PPP6R2: variants seen among roughly 807,000 people sequenced by gnomAD.
PPP6R2 encodes protein phosphatase 6 regulatory subunit 2.
PPP6R2 carries 62 observed loss-of-function variants against 100.2 expected under a neutral mutation model. The observed-to-expected ratio is 0.62, with a 90% confidence interval of 0.50 to 0.76. The LOEUF (loss-of-function observed/expected upper bound fraction) is 0.76, where lower values mean the gene tolerates loss of function less well. Ranked by LOEUF, PPP6R2 falls within the 30% of genes least tolerant of loss-of-function variation. The pLI is 0.00. For missense variants in PPP6R2, 1,142 were observed against 1,276.3 expected (o/e 0.89, Z 1.60); for synonymous variants, 525 against 514.7 (o/e 1.02, Z -0.27).
intron 4 of PPP6R2, among the ~76,000 whole-genome samples, chr22:50,407,885 T>C (rs750340697): frequency 2.0e-5 from 3 of 151,974 alleles, no homozygotes; most frequent in Non-Finnish European, 4.4e-5. Flanking sequence ...TCAGTATGTA[T>C]GTACATTTAT....
intron 3 of PPP6R2, among the ~76,000 whole-genome samples, chr22:50,404,727 C>T (rs1192072909): frequency 6.6e-6 from 1 of 151,936 alleles, no homozygotes; most frequent in Non-Finnish European, 1.5e-5. Flanking sequence ...TGTAAGCCAC[C>T]GTGCCCGTCC....
rs111794596 is a variant in PPP6R2, at chr22:50,435,501, C to T, written c.1516+420C>T. On this transcript the variant is annotated intron_variant, in intron 13 of 23. Transcript: ENST00000612753. ...CTCACTCAGGTGTGAGATTTCGTAGCACAAGTCTCAGGGGAGCAGGTTGCA... is the reference window on the plus strand; with the variant it reads ...CTCACTCAGGTGTGAGATTTCGTAGTACAAGTCTCAGGGGAGCAGGTTGCA... Among the ~76,000 whole-genome samples, 20 of 152,322 alleles carry T rather than the reference C, an allele frequency of 1.3e-4. 2 individuals carry two copies. Among genetic ancestry groups the T allele is most frequent in the African/African-American group, 4.6e-4 (19 of 41,568 alleles).
intron 1 of PPP6R2, among the ~76,000 whole-genome samples, chr22:50,368,972 C>G (rs908894097): frequency 1.3e-5 from 2 of 152,220 alleles, no homozygotes; most frequent in African/African-American, 2.4e-5. Context: ...GGTGCAGTGG[C>G]TCACGCCTGT....
chr22:50,330,827 T>C, the PPP6R2 span, among the ~76,000 whole-genome samples: 3 of 151,134 alleles, frequency 2.0e-5, no homozygotes, highest in South Asian at 6.3e-4. Flanking sequence ...ACCTGGAAGA[T>C]GGTCAGTTGC....
chr22:50,347,455 ACC>A (rs2044046154), intron 1 of PPP6R2, among the ~76,000 whole-genome samples: 1 of 149,918 alleles, frequency 6.7e-6, no homozygotes, highest in Admixed American at 6.7e-5. Context: ...ACCTCACCTT[ACC>A]CCGCACTGCC....
intron 2 of PPP6R2, among the ~76,000 whole-genome samples, chr22:50,385,757 C>T (rs2054100164): frequency 6.6e-6 from 1 of 150,990 alleles, no homozygotes. Context: ...CTCAGGTGAT[C>T]CACCTGCCTC....
At chr22:50,414,883 G>A (rs1174503818) in intron 5 of PPP6R2, among the ~76,000 whole-genome samples, 194 bp downstream of exon 5, 2 of 152,214 alleles carry the variant, frequency 1.3e-5, no homozygotes, top group East Asian at 3.8e-4. Context: ...GACTTAACTC[G>A]CTCAGAAGCA....
intron 1 of PPP6R2, among the ~76,000 whole-genome samples, chr22:50,352,364 A>C (rs994362335): frequency 8.5e-5 from 13 of 152,302 alleles, no homozygotes; most frequent in East Asian, 3.9e-4. Context: ...CATCCTTTGT[A>C]GAACTGAAAA....
intron 15 of PPP6R2, 93 bp downstream of exon 15, chr22:50,437,161 C>T: frequency 7.9e-7 from 1 of 1,265,988 alleles, no homozygotes; most frequent in Non-Finnish European, 1.1e-6. Flanking sequence ...GATGGCATCT[C>T]ACTAGCAAAG....
At chr22:50,351,038 T>TG (rs1243221129) in intron 1 of PPP6R2, among the ~76,000 whole-genome samples, 1,263 of 66,076 alleles carry the variant, frequency 0.019, 21 homozygotes, top group East Asian at 0.027. Context: ...TTTTTTTTTT[T>TG]TTTTTTTTTT....
chr22:50,352,130 G>A (rs201950469), intron 1 of PPP6R2, among the ~76,000 whole-genome samples: 9 of 150,950 alleles, frequency 6.0e-5, no homozygotes, highest in African/African-American at 1.5e-4. Flanking sequence ...TAGTAGAGAC[G>A]GGGTTTCACC....
chr22:50,402,328 C>CTTT (rs566570369), intron 3 of PPP6R2, among the ~76,000 whole-genome samples: 4 of 134,998 alleles, frequency 3.0e-5, no homozygotes, highest in Non-Finnish European at 6.3e-5. Flanking sequence ...ACCCCAGTTT[C>CTTT]TTTTTTTTTT....
intron 2 of PPP6R2, among the ~76,000 whole-genome samples, chr22:50,385,345 A>G (rs1370915104): frequency 6.7e-6 from 1 of 150,060 alleles, no homozygotes; most frequent in Non-Finnish European, 1.5e-5. Context: ...ACAGACACGC[A>G]CTGCCATCAC....
chr22:50,381,426 TCAGCATCACACGGGCCCCACCTCAGCAC>T, intron 2 of PPP6R2, among the ~76,000 whole-genome samples: 1 of 98,138 alleles, frequency 1.0e-5, no homozygotes, highest in Non-Finnish European at 2.1e-5. Flanking sequence ...GGGCCCCACC[TCAGCATCACACGGGCCCCACCTCAGCAC>T]CACACGGGCC....
Position 50,423,744 on chromosome 22 carries a change from A to G in PPP6R2, c.1125+130A>G. 8.4e-7 allele frequency: 1 copy of G among 1,186,198 alleles called. No individual in the cohort carries two copies. Among genetic ancestry groups the G allele is most frequent in the East Asian group, 2.6e-5 (1 of 38,884 alleles). The allele number at this position is 1,186,198 out of a possible 1,614,324, so 73.5% of individuals were successfully genotyped here. A position where few individuals can be genotyped will look rare whatever the true frequency, so the allele number is the denominator to read the frequency against. On this transcript the variant is annotated intron_variant, in intron 10 of 23. Coordinates refer to ENST00000612753, the MANE Select transcript of PPP6R2 (RefSeq NM_001242898.2). This position sits in a 1 kb window ranked among gnomAD's most constrained non-coding sequence, Gnocchi z 4.8. ...TCTGCCACGGGGAGGTTCCAGTCCC[A>G]AGTCCCAAGGCTGGACTACAGGTCT...
In PPP6R2 at chr22:50,354,923, A is replaced by G. The variant is rs566258545; in HGVS notation, c.-148+11373A>G. 6.4e-4 allele frequency among the ~76,000 whole-genome samples: 90 copies of G among 141,552 alleles called. 1 individual carries two copies. In the Middle Eastern group the frequency reaches 0.026, roughly 40 times the overall value. 92.9% of individuals were successfully genotyped at this position (141,552 alleles called of 152,430 possible). A position where few individuals can be genotyped will look rare whatever the true frequency, so the allele number is the denominator to read the frequency against. The stretch of plus-strand genomic sequence containing the variant: ...ATTCTGTGTCACCTAGGTTGAGTGC[A>G]GTGGCACAGTCACAGCTCACCACAG... On this transcript the variant is annotated intron_variant, in intron 1 of 23. Transcript: ENST00000612753.
At chr22:50,438,094 C>G in intron 17 of PPP6R2, 80 bp from the exon 18 acceptor site, 1 of 1,546,954 alleles carries the variant, frequency 6.5e-7, no homozygotes, top group South Asian at 1.2e-5. Context: ...GAACTAAGCC[C>G]CTCTGGGAGC....
chr22:50,360,350 C>CTT (rs146808027), intron 1 of PPP6R2, among the ~76,000 whole-genome samples: 12 of 135,350 alleles, frequency 8.9e-5, no homozygotes, highest in East Asian at 4.3e-4. Flanking sequence ...CATGCTCAGC[C>CTT]TTTTTTTTTT....
In PPP6R2 at chr22:50,401,506, A is replaced by T. The variant is rs966524298; in HGVS notation, c.228-5183A>T. Among the ~76,000 whole-genome samples, 69 of 132,116 alleles carry T rather than the reference A, an allele frequency of 5.2e-4. 1 individual carries two copies. The highest frequency in any genetic ancestry group is 7.2e-4 in the Non-Finnish European group (45 of 62,300). The allele number at this position is 132,116 out of a possible 152,430, so 86.7% of individuals were successfully genotyped here. On this transcript the variant is annotated intron_variant, in intron 3 of 23. Coordinates refer to ENST00000612753, the MANE Select transcript of PPP6R2 (RefSeq NM_001242898.2). ...CAGGCGTGAGCCACCGCGCCAGGCC[A>T]ATTTTTTTTTTTTTTTTCTGAGACA...
Sources: allele counts gnomAD v4.1 joint callset (sites outside exome capture counted in the v4.1 genomes callset), GRCh38; gene constraint gnomAD v4.1.1; non-coding constraint Gnocchi (gnomAD v3.1); transcripts MANE v1.5; gene names NCBI Gene and HGNC (gene_info 2026-07-23, HGNC 2026-07-21).